The following RNF10 variants were observed in gnomAD, a reference collection of about 807,000 sequenced individuals.
The protein encoded by RNF10 is ring finger protein 10.
In RNF10, 38 loss-of-function variants were observed where a neutral mutation model predicts 91.4. The ratio of observed to expected loss-of-function variants is 0.42; its 90% CI spans 0.32 to 0.54. The LOEUF is 0.54. Ranked by LOEUF, RNF10 falls within the 20% of genes least tolerant of loss-of-function variation. The pLI, the probability that RNF10 is intolerant of heterozygous loss-of-function variation, is 0.16. For synonymous variants in RNF10, 364 were observed against 366.3 expected (o/e 0.99, Z 0.07); for missense variants, 945 against 1,012.0 (o/e 0.93, Z 0.90).
At chr12:120,559,877 A>G (rs1565960643) in intron 6 of RNF10, among the ~76,000 whole-genome samples, 1 of 150,356 alleles carries the variant, frequency 6.7e-6, no homozygotes, top group Non-Finnish European at 1.5e-5. Flanking sequence ...TTGTATTTTT[A>G]ATAGAAACAG....
intron 2 of RNF10, among the ~76,000 whole-genome samples, chr12:120,551,583 G>A (rs776307567): frequency 6.6e-6 from 1 of 151,698 alleles, no homozygotes; most frequent in Non-Finnish European, 1.5e-5. Context: ...ACAGGCATGA[G>A]CTACTATTCC....
In RNF10 at chr12:120,552,686, T is replaced by C. The variant is rs747701120; in HGVS notation, c.542T>C (p.Phe181Ser). ...CATAAGCCTTTTAACAAGGAACTCT[T>C]TTTACAGGCCAAGTGAGTATTGCTA... Reference protein sequence around the residue: ...WGHKPFNKELFLQANCQFVVS... With the variant: ...WGHKPFNKELSLQANCQFVVS... Residue 181 changes from phenylalanine to serine, a missense_variant, in exon 3 of 17, where the codon TTT becomes TCT. Phe to Ser is a radical substitution (Grantham distance 155). Transcript: ENST00000325954. 6.2e-7 allele frequency: 1 copy of C among 1,613,874 alleles called. No homozygotes were observed. Among genetic ancestry groups the C allele is most frequent in the East Asian group, 2.2e-5 (1 of 44,886 alleles).
At position 120,560,763 on chromosome 12, in the gene RNF10, C is replaced by G. The variant is rs953275881; in HGVS notation, c.1005C>G (p.Ala335=). The change falls in exon 7 of 17, where the codon GCC becomes GCG. Residue 335 remains alanine, a synonymous_variant. Transcript: ENST00000325954. The part of the protein sequence containing the change: ...QHSQYSKLLL[A]SKEQVLHRVV... The stretch of plus-strand genomic sequence containing the variant: ...GCCAGTACTCCAAGTTGCTGCTGGC[C>G]TCTAAGGAGCAGGTGCTGCACCGGG... 5.0e-6 allele frequency: 8 copies of G among 1,613,916 alleles called. No individual in the cohort carries two copies. Among genetic ancestry groups the G allele is most frequent in the Non-Finnish European group, 5.9e-6 (7 of 1,179,988 alleles).
At chr12:120,558,233 C>T (rs1265133288) in intron 6 of RNF10, among the ~76,000 whole-genome samples, 1 of 151,888 alleles carries the variant, frequency 6.6e-6, no homozygotes, top group Non-Finnish European at 1.5e-5. Context: ...AAATTAATTC[C>T]AGATAGATTG....
chr12:120,575,544 G>A, intron 14 of RNF10, 87 bp from the exon 15 acceptor site: 1 of 1,413,036 alleles, frequency 7.1e-7, no homozygotes, highest in Non-Finnish European at 1.0e-6. Flanking sequence ...TTGGTTCTGT[G>A]CCTCTCCAGT....
intron 13 of RNF10, among the ~76,000 whole-genome samples, chr12:120,569,963 G>A (rs577454143): frequency 1.2e-4 from 19 of 152,258 alleles, no homozygotes; most frequent in Middle Eastern, 6.8e-3. Flanking sequence ...TGCGATTTTG[G>A]CTCACTGCAA....
chr12:120,544,252 G>C (rs919557481), intron 1 of RNF10, among the ~76,000 whole-genome samples: 2 of 151,434 alleles, frequency 1.3e-5, no homozygotes, highest in Non-Finnish European at 2.9e-5. Flanking sequence ...ACCAGGCATG[G>C]TGGTTCATGC....
intron 1 of RNF10, among the ~76,000 whole-genome samples, chr12:120,544,988 T>C (rs1232246967): frequency 6.6e-6 from 1 of 152,116 alleles, no homozygotes; most frequent in Admixed American, 6.6e-5. Flanking sequence ...GCTCACAGAG[T>C]AGTAAGCAGA....
intron 1 of RNF10, among the ~76,000 whole-genome samples, chr12:120,541,392 A>G (rs947191661): frequency 5.3e-5 from 8 of 151,506 alleles, no homozygotes; most frequent in African/African-American, 1.9e-4. Flanking sequence ...GCAAAGCAAG[A>G]GAATGTGGCT....
intron 3 of RNF10, 174 bp from the exon 4 acceptor site, chr12:120,554,544 G>T: frequency 1.7e-6 from 1 of 580,020 alleles, no homozygotes; most frequent in Non-Finnish European, 3.1e-6. Context: ...GAGTCTTTGG[G>T]TTCTTTCCAG....
At chr12:120,555,047 A>T (rs977090969) in intron 4 of RNF10, among the ~76,000 whole-genome samples, 4 of 152,186 alleles carry the variant, frequency 2.6e-5, no homozygotes, top group African/African-American at 9.7e-5. Flanking sequence ...TAAGCTGGGA[A>T]GTAGTAACCC....
At chr12:120,535,537 C>G (rs1175204618) in intron 1 of RNF10, 1 of 152,002 alleles carries the variant, frequency 6.6e-6, no homozygotes, top group Non-Finnish European at 1.5e-5. Flanking sequence ...GTTTGCCAGA[C>G]CTTGAGTGAG....
intron 1 of RNF10, among the ~76,000 whole-genome samples, chr12:120,541,361 T>C (rs1447495670): frequency 6.6e-6 from 1 of 152,082 alleles, no homozygotes; most frequent in East Asian, 1.9e-4. Flanking sequence ...CTTGAGGTGA[T>C]GTGAAATGGA....
intron 4 of RNF10, among the ~76,000 whole-genome samples, chr12:120,555,726 C>T (rs1489583686): frequency 6.6e-6 from 1 of 151,692 alleles, no homozygotes; most frequent in Non-Finnish European, 1.5e-5. Context: ...GAATTCCTGA[C>T]CTCAGGTGAT....
At chr12:120,541,100 G>T (rs947210825) in intron 1 of RNF10, among the ~76,000 whole-genome samples, 1 of 152,050 alleles carries the variant, frequency 6.6e-6, no homozygotes, top group South Asian at 2.1e-4. Context: ...CAGGTGATCC[G>T]CCCGCCTCGG....
intron 14 of RNF10, among the ~76,000 whole-genome samples, chr12:120,571,982 G>T (rs542465048): frequency 3.3e-5 from 5 of 151,752 alleles, no homozygotes; most frequent in African/African-American, 1.2e-4. Context: ...GAGGAAGATG[G>T]ATGGACAGCT....
rs145736802 is a variant in RNF10 at position 120,563,392 on chromosome 12, G to T, written c.1300G>T (p.Val434Phe). Residue 434 changes from valine to phenylalanine, a missense_variant, in exon 9 of 17, where the codon GTT becomes TTT. Transcript: ENST00000325954. ...TGCCTTCGATGAAGAAACCACGGAA[G>T]TTTGTTCTCTGGACACTCCTTCTAG... ...LSAFDEETTE[V>F]CSLDTPSRPL... 2.5e-6 allele frequency: 4 copies of T among 1,613,870 alleles called. No homozygotes were observed. The highest frequency in any genetic ancestry group is 1.3e-5 in the African/African-American group (1 of 74,914).
At chr12:120,570,252 TCTC>T (rs1876434709) in intron 13 of RNF10, 1 of 146,690 alleles carries the variant, frequency 6.8e-6, no homozygotes, top group African/African-American at 2.5e-5. Context: ...AATGGCACGA[TCTC>T]GGTTCACTGC....
chr12:120,551,837 T>A (rs1440975984), intron 2 of RNF10, among the ~76,000 whole-genome samples: 1 of 151,982 alleles, frequency 6.6e-6, no homozygotes, highest in East Asian at 1.9e-4. Flanking sequence ...ATTCTCTCAT[T>A]GCTATTAAGA....
Sources: gnomAD v4.1 joint callset for allele counts (sites outside exome capture counted in the v4.1 genomes callset) on GRCh38, gnomAD v4.1.1 for gene constraint, MANE v1.5 for transcripts, NCBI Gene and HGNC (gene_info 2026-07-23, HGNC 2026-07-21) for gene names.